The following PCDHA1 variants were observed in gnomAD, a reference collection of about 807,000 sequenced individuals.
The protein encoded by PCDHA1 is protocadherin alpha 1.
A neutral mutation model predicts 61.3 loss-of-function variants in PCDHA1; 42 were observed. The observed-to-expected ratio is 0.69, with a 90% CI of 0.54 to 0.89. The LOEUF is 0.89. Ranked by LOEUF, PCDHA1 falls within the 40% of genes least tolerant of loss-of-function variation. The pLI is 0.00. For synonymous variants in PCDHA1, 610 were observed against 553.8 expected, an observed-to-expected ratio of 1.10 and a Z score of -1.43; for missense variants, 1,256 against 1,235.3, an observed-to-expected ratio of 1.02 and a Z score of -0.25.
chr5:140,926,805 G>A, intron 1 of PCDHA1: 2 of 1,452,468 alleles, frequency 1.4e-6, no homozygotes, highest in Non-Finnish European at 9.0e-7. Flanking sequence ...GCTCTTCCCC[G>A]CGGCTCGTGC....
At chr5:140,794,808 A>T in intron 1 of PCDHA1, 1 of 784,242 alleles carries the variant, frequency 1.3e-6, no homozygotes, top group Non-Finnish European at 2.0e-6. Flanking sequence ...GCTGTCCACC[A>T]TAGAGTGTTC....
At chr5:140,792,627 C>T (rs1294145858) in intron 1 of PCDHA1, among the ~76,000 whole-genome samples, 1 of 152,078 alleles carries the variant, frequency 6.6e-6, no homozygotes, top group Non-Finnish European at 1.5e-5. Flanking sequence ...CTCTTATACC[C>T]CCACATATGT....
At chr5:140,802,941 C>T (rs780506250) in intron 1 of PCDHA1, 11 of 1,613,848 alleles carry the variant, frequency 6.8e-6, no homozygotes, top group Non-Finnish European at 7.6e-6. Flanking sequence ...CGAGCTGGTG[C>T]CGCGGTCAGT....
intron 1 of PCDHA1, chr5:140,877,503 G>A (rs1056644080): frequency 3.6e-5 from 58 of 1,613,716 alleles, no homozygotes; most frequent in Non-Finnish European, 4.8e-5. Context: ...AGGCCCCAAA[G>A]ACGTCGTCGC....
At chr5:140,920,000 A>T (rs1486623735) in intron 1 of PCDHA1, among the ~76,000 whole-genome samples, 1 of 152,178 alleles carries the variant, frequency 6.6e-6, no homozygotes, top group Non-Finnish European at 1.5e-5. Flanking sequence ...GACACAGAGG[A>T]AAAGGCCATG....
At chr5:140,794,934 T>C in intron 1 of PCDHA1, 2 of 1,581,890 alleles carry the variant, frequency 1.3e-6, no homozygotes, top group Non-Finnish European at 1.7e-6. Flanking sequence ...AACATGCTCT[T>C]CTAATTTGAT....
chr5:140,805,179 C>T, intron 1 of PCDHA1: 2 of 1,497,758 alleles, frequency 1.3e-6, no homozygotes, highest in Non-Finnish European at 1.8e-6. Flanking sequence ...TGATGCTATG[C>T]CAAATAAATA....
At chr5:140,869,920 G>A (rs1554163605) in intron 1 of PCDHA1, 2 of 1,611,398 alleles carry the variant, frequency 1.2e-6, no homozygotes, top group Non-Finnish European at 1.7e-6. Flanking sequence ...AGACGAAGGA[G>A]TCAATGGAGA....
In PCDHA1 at chr5:140,838,333, C is replaced by G. The variant is rs2150288073; in HGVS notation, c.2394+49649C>G. 4.4e-4 allele frequency among the ~76,000 whole-genome samples: 66 copies of G among 149,884 alleles called. 1 individual carries two copies. In the East Asian group the frequency reaches 0.012, roughly 26 times the overall value. ...GAAACAGAGTTTCACCATGTTGCCC[C>G]GGCTGGTCTCGAAATCTGGGACTCA... On this transcript the variant is annotated intron_variant, in intron 1 of 3. Transcript: ENST00000504120.
chr5:140,967,364 C>T, intron 1 of PCDHA1: 2 of 1,607,620 alleles, frequency 1.2e-6, no homozygotes, highest in Non-Finnish European at 1.7e-6. Flanking sequence ...CCTTAAGCCC[C>T]TGCAGGAGAA....
At chr5:140,847,142 A>C (rs1780872222) in intron 1 of PCDHA1, among the ~76,000 whole-genome samples, 1 of 149,820 alleles carries the variant, frequency 6.7e-6, no homozygotes, top group South Asian at 2.1e-4. Flanking sequence ...CAATGTAAGA[A>C]GATCTCTTGA....
intron 1 of PCDHA1, chr5:140,830,098 G>A: frequency 1.9e-6 from 3 of 1,613,644 alleles, no homozygotes; most frequent in Non-Finnish European, 2.5e-6. Flanking sequence ...TGGTGTCGCT[G>A]GTGGAGAGTG....
intron 3 of PCDHA1, among the ~76,000 whole-genome samples, chr5:140,989,450 T>C (rs1299416259): frequency 6.6e-6 from 1 of 152,208 alleles, no homozygotes; most frequent in Admixed American, 6.5e-5. Context: ...TTGTTTAGAA[T>C]TGTTAGGCTT....
intron 1 of PCDHA1, chr5:140,857,104 TTC>T: frequency 6.3e-7 from 1 of 1,597,962 alleles, no homozygotes; most frequent in Non-Finnish European, 8.6e-7. Flanking sequence ...TGATTGTCAC[TTC>T]TCTGTCTCTC....
intron 1 of PCDHA1, chr5:140,967,530 C>T: frequency 6.2e-7 from 1 of 1,613,178 alleles, no homozygotes; most frequent in Non-Finnish European, 8.5e-7. Flanking sequence ...GACAACTCTC[C>T]TGCCTTTGAC....
At chr5:140,838,280 A>ATTTTTTT (rs2150286950) in intron 1 of PCDHA1, among the ~76,000 whole-genome samples, 30 of 139,570 alleles carry the variant, frequency 2.1e-4, no homozygotes, top group African/African-American at 6.5e-4. Context: ...AGCCATGCTA[A>ATTTTTTT]TTTTTTTTTT....
At chr5:140,896,226 T>G (rs1554186874) in intron 1 of PCDHA1, among the ~76,000 whole-genome samples, 1 of 152,242 alleles carries the variant, frequency 6.6e-6, no homozygotes, top group African/African-American at 2.4e-5. Flanking sequence ...GTCTTTATAG[T>G]AGAATGACTT....
Position 140,807,933 on chromosome 5 carries a change from T to C in PCDHA1, c.2394+19249T>C, listed in dbSNP as rs782209478. ...GCTTTTGACAGAACCATTTATAAGG[T>C]GAGATTACTAGAAAATGTTCCTAAT... On this transcript the variant is annotated intron_variant, in intron 1 of 3. Transcript: ENST00000504120. The C allele has an allele frequency of 5.0e-6, 8 of 1,613,928 alleles. No individual in the cohort carries two copies. Among genetic ancestry groups the C allele is most frequent in the Non-Finnish European group, 6.8e-6 (8 of 1,179,976 alleles).
rs2150120933 is a variant in PCDHA1, at chr5:140,822,977, A to G, written c.2394+34293A>G. On this transcript the variant is annotated intron_variant, in intron 1 of 3. Coordinates refer to ENST00000504120, the MANE Select transcript of PCDHA1 (RefSeq NM_018900.4). Reference sequence around the variant, plus strand: ...CCCTTCAAGCTGGTGTCCACCTTCAAGAATTACTACTCGTTGGTGCTGGAC... The same window carrying G: ...CCCTTCAAGCTGGTGTCCACCTTCAGGAATTACTACTCGTTGGTGCTGGAC... The G allele has an allele frequency of 1.4e-5, 22 of 1,614,094 alleles. No individual in the cohort carries two copies. Among genetic ancestry groups the G allele is most frequent in the South Asian group, 4.4e-5 (4 of 91,090 alleles).
Sources: allele counts gnomAD v4.1 joint callset (sites outside exome capture counted in the v4.1 genomes callset), GRCh38; gene constraint gnomAD v4.1.1; transcripts MANE v1.5; gene names NCBI Gene and HGNC (gene_info 2026-07-23, HGNC 2026-07-21).